CEP43: variants seen among roughly 807,000 people sequenced by gnomAD.
The protein encoded by CEP43 is centrosomal protein 43.
Under a neutral mutation model 52.6 loss-of-function variants are expected in CEP43, and 36 were observed. The ratio of observed to expected loss-of-function variants is 0.68; its 90% CI spans 0.52 to 0.90. The LOEUF (loss-of-function observed/expected upper bound fraction) is 0.90, where lower values mean the gene tolerates loss of function less well. Among genes scored for constraint, CEP43 ranks in the 40% least tolerant of loss-of-function variants. The pLI, the probability that CEP43 is intolerant of heterozygous loss-of-function variation, is 0.00. For synonymous variants in CEP43, 192 were observed against 172.4 expected (o/e 1.11, Z -0.89); for missense variants, 506 against 472.8 (o/e 1.07, Z -0.65).
chr6:167,028,942 A>C (rs1374441166), intron 10 of CEP43, among the ~76,000 whole-genome samples: 1 of 152,206 alleles, frequency 6.6e-6, no homozygotes, highest in East Asian at 1.9e-4. Context: ...GCCCAAAAGG[A>C]GTGTTTATAG....
In CEP43 at chr6:167,041,338, A is replaced by G. The variant is rs1036836241; in HGVS notation, c.*1360A>G. The G allele has an allele frequency of 1.1e-4, 117 of 1,056,860 alleles. No homozygotes were observed. The highest frequency in any genetic ancestry group is 8.1e-4 in the Admixed American group (15 of 18,466). 65.5% of individuals were successfully genotyped at this position (1,056,860 alleles called of 1,614,324 possible). ...GGCTTTTTAAAATTTAAGTGAAACT[A>G]AGCTGTAAACATCAAGAGGAAGTAG... is the stretch of plus-strand genomic sequence containing the variant. On this transcript the variant is annotated 3_prime_UTR_variant, in exon 13 of 13. Transcript: ENST00000366847.
Position 167,040,324 on chromosome 6 carries a change from G to C in CEP43, c.*346G>C. The C allele has an allele frequency of 7.0e-7, 1 of 1,426,142 alleles. No individual in the cohort carries two copies. The highest frequency in any genetic ancestry group is 1.5e-5 in the South Asian group (1 of 65,556). 88.3% of individuals were successfully genotyped at this position (1,426,142 alleles called of 1,614,324 possible). A position where few individuals can be genotyped will look rare whatever the true frequency, so the allele number is the denominator to read the frequency against. Reference sequence around the variant, plus strand: ...AAGCCGTAGGATCGCGCAACCCTTTGTGTGTGTGGCTGCTGGTACGTGTGA... The same window carrying C: ...AAGCCGTAGGATCGCGCAACCCTTTCTGTGTGTGGCTGCTGGTACGTGTGA... On this transcript the variant is annotated 3_prime_UTR_variant, in exon 13 of 13. Coordinates refer to ENST00000366847, the MANE Select transcript of CEP43 (RefSeq NM_007045.4).
chr6:167,039,599 TTTCCTCTGGGTAGA>T (rs1780652249), intron 12 of CEP43, among the ~76,000 whole-genome samples: 1 of 152,222 alleles, frequency 6.6e-6, no homozygotes, highest in African/African-American at 2.4e-5. Context: ...AATGACTTCT[TTTCCTCTGGGTAGA>T]TACCCAGTAG....
chr6:167,006,297 A>G (rs1235453287), intron 5 of CEP43, among the ~76,000 whole-genome samples: 1 of 152,194 alleles, frequency 6.6e-6, no homozygotes, highest in East Asian at 1.9e-4. Flanking sequence ...TGGGCGAATC[A>G]TGAAGTCAAG....
chr6:167,031,162 T>C (rs1780462983), intron 10 of CEP43, among the ~76,000 whole-genome samples: 1 of 152,212 alleles, frequency 6.6e-6, no homozygotes, highest in Non-Finnish European at 1.5e-5. Context: ...GTGCAAGTGA[T>C]CCTCCTGCCT....
At position 167,049,042 on chromosome 6, in the gene CEP43, A is replaced by T. The variant is rs1780838090; in HGVS notation, c.*9064A>T. On this transcript the variant is annotated 3_prime_UTR_variant, in exon 13 of 13. Coordinates refer to ENST00000366847, the MANE Select transcript of CEP43 (RefSeq NM_007045.4). ...TTTATCTCTGTTGAAAGATATTTTT[A>T]AAATCATTGTCCTATGGAAAAGTCA... The T allele has an allele frequency of 1.3e-5, 2 of 152,386 alleles. No homozygotes were observed. Among genetic ancestry groups the T allele is most frequent in the East Asian group, 3.9e-4 (2 of 5,194 alleles). The allele number at this position is 152,386 out of a possible 1,614,324, so 9.4% of individuals were successfully genotyped here. A position where few individuals can be genotyped will look rare whatever the true frequency, so the allele number is the denominator to read the frequency against.
intron 4 of CEP43, 45 bp downstream of exon 4, chr6:167,003,856 C>T (rs1282690301): frequency 1.7e-6 from 2 of 1,163,410 alleles, no homozygotes; most frequent in African/African-American, 1.5e-5. Flanking sequence ...ACCTTTGATA[C>T]AAATGAGTTA....
chr6:167,031,259 C>T (rs1001167638), intron 10 of CEP43, among the ~76,000 whole-genome samples: 1 of 152,074 alleles, frequency 6.6e-6, no homozygotes, highest in Non-Finnish European at 1.5e-5. Context: ...CCTCCCCCAC[C>T]TCAGGGCCTT....
At chr6:167,015,876 TAAAAA>T (rs1042515342) in intron 7 of CEP43, among the ~76,000 whole-genome samples, 22 of 152,128 alleles carry the variant, frequency 1.4e-4, no homozygotes, top group African/African-American at 5.3e-4. Flanking sequence ...ACAATAAAGA[TAAAAA>T]TAAAATAAAG....
At chr6:167,010,533 C>T (rs990853703) in intron 5 of CEP43, among the ~76,000 whole-genome samples, 2 of 152,010 alleles carry the variant, frequency 1.3e-5, no homozygotes, top group Non-Finnish European at 2.9e-5. Context: ...GAAGTAAATC[C>T]TGGAATGGTA....
intron 6 of CEP43, among the ~76,000 whole-genome samples, 157 bp downstream of exon 6, chr6:167,011,050 A>G (rs1779973253): frequency 6.6e-6 from 1 of 152,154 alleles, no homozygotes; most frequent in African/African-American, 2.4e-5. Context: ...TTAAGTATAC[A>G]TTAAAAAAAA....
chr6:167,007,364 A>G (rs1394122358), intron 5 of CEP43, among the ~76,000 whole-genome samples: 2 of 152,166 alleles, frequency 1.3e-5, no homozygotes, highest in Non-Finnish European at 1.5e-5. Context: ...TGATTCTGTC[A>G]AATAGAGCCA....
chr6:167,026,412 A>G, intron 9 of CEP43, 135 bp from the exon 10 acceptor site: 1 of 656,092 alleles, frequency 1.5e-6, no homozygotes, highest in South Asian at 1.7e-5. Flanking sequence ...ATCACAGTTT[A>G]TTTTTTCCTT....
chr6:167,020,995 A>T (rs1378811891), intron 7 of CEP43, among the ~76,000 whole-genome samples: 1 of 149,984 alleles, frequency 6.7e-6, no homozygotes, highest in Non-Finnish European at 1.5e-5. Flanking sequence ...TGGGAGACTG[A>T]GGCAAGGAGG....
In CEP43 at chr6:167,000,252, A is replaced by T. The variant is rs61387345; in HGVS notation, c.156+139A>T. The T allele has an allele frequency of 8.0e-3, 4,794 of 599,596 alleles. 168 individuals are homozygous for T. In the African/African-American group the frequency reaches 0.08, roughly 10 times the overall value. The allele number at this position is 599,596 out of a possible 1,614,324, so 37.1% of individuals were successfully genotyped here. A position where few individuals can be genotyped will look rare whatever the true frequency, so the allele number is the denominator to read the frequency against. On this transcript the variant is annotated intron_variant, in intron 2 of 12. Coordinates refer to ENST00000366847, the MANE Select transcript of CEP43 (RefSeq NM_007045.4). The stretch of plus-strand genomic sequence containing the variant: ...ACTGTTAAGGATTACATTACTATTG[A>T]GAGAGAGCCAAAATTATTCTTTTTT...
intron 10 of CEP43, 45 bp downstream of exon 10, chr6:167,026,660 AT>A: frequency 1.7e-6 from 2 of 1,211,896 alleles, no homozygotes; most frequent in Non-Finnish European, 2.4e-6. Context: ...TAAAGTGATT[AT>A]TTTTAGGGTA....
At chr6:167,026,131 G>A (rs926494583) in intron 9 of CEP43, among the ~76,000 whole-genome samples, 3 of 152,192 alleles carry the variant, frequency 2.0e-5, no homozygotes, top group African/African-American at 4.8e-5. Flanking sequence ...TTGGGAGGCC[G>A]AGGTGGGTGG....
chr6:167,047,011 G>A lies in CEP43; in HGVS notation c.*7033G>A, dbSNP rs925066635. On this transcript the variant is annotated 3_prime_UTR_variant, in exon 13 of 13. Coordinates refer to ENST00000366847, the MANE Select transcript of CEP43 (RefSeq NM_007045.4). ...GGAGTGGGGACCATGGAAGCACTTG[G>A]CTCTCCAGCATGTGCTGAATAGGGG... 6.6e-6 allele frequency: 1 copy of A among 152,308 alleles called. No individual in the cohort carries two copies. Among genetic ancestry groups the A allele is most frequent in the Non-Finnish European group, 1.5e-5 (1 of 68,106 alleles). The allele number at this position is 152,308 out of a possible 1,614,324, so 9.4% of individuals were successfully genotyped here.
chr6:167,011,708 A>T (rs888722295), intron 6 of CEP43: 1 of 153,922 alleles, frequency 6.5e-6, no homozygotes, highest in Admixed American at 6.5e-5. Context: ...GAAGTCCAAG[A>T]TCACGGCATC....
Sources: allele counts gnomAD v4.1 joint callset (sites outside exome capture counted in the v4.1 genomes callset), GRCh38; gene constraint gnomAD v4.1.1; transcripts MANE v1.5; gene names NCBI Gene and HGNC (gene_info 2026-07-23, HGNC 2026-07-21).